Variants in TJP1 observed in about 807,000 individuals in gnomAD.
TJP1 encodes tight junction protein ZO-1.
TJP1 carries 43 observed loss-of-function variants against 194.2 expected under a neutral mutation model. The ratio of observed to expected loss-of-function variants is 0.22; its 90% confidence interval spans 0.17 to 0.29. TJP1 has a LOEUF of 0.29. Ranked by LOEUF, TJP1 falls within the 10% of genes least tolerant of loss-of-function variation. The pLI is 1.00. For missense variants in TJP1, 1,971 were observed against 2,185.7 expected, an observed-to-expected ratio of 0.90 and a Z score of 1.96; for synonymous variants, 801 against 779.0, an observed-to-expected ratio of 1.03 and a Z score of -0.47.
intron 2 of TJP1, among the ~76,000 whole-genome samples, chr15:29,901,642 T>A (rs949073912): frequency 1.3e-5 from 2 of 152,062 alleles, no homozygotes; most frequent in African/African-American, 4.8e-5. Flanking sequence ...GCCAACATGG[T>A]GAAACCCCAT....
intron 2 of TJP1, among the ~76,000 whole-genome samples, chr15:29,914,850 C>A (rs1206671193): frequency 6.9e-6 from 1 of 144,898 alleles, no homozygotes; most frequent in Non-Finnish European, 1.5e-5. Flanking sequence ...CCACACCCTG[C>A]AACACACACA....
chr15:29,938,433 G>T (rs17762297), intron 2 of TJP1, among the ~76,000 whole-genome samples: 3 of 151,922 alleles, frequency 2.0e-5, no homozygotes, highest in African/African-American at 7.3e-5. Flanking sequence ...TTATGAAATC[G>T]TCAAAAATCA....
intron 17 of TJP1, 104 bp from the exon 18 acceptor site, chr15:29,726,583 T>A: frequency 8.0e-7 from 1 of 1,251,164 alleles, no homozygotes; most frequent in African/African-American, 1.5e-5. Flanking sequence ...AAAGATGGTA[T>A]CTGAGGATGC....
intron 1 of TJP1, 38 bp from the exon 2 acceptor site, chr15:29,800,740 A>C (rs2048729733): frequency 6.2e-7 from 1 of 1,602,830 alleles, no homozygotes; most frequent in Non-Finnish European, 8.5e-7. Flanking sequence ...TTTACCTTTT[A>C]AGAAAATGTC....
chr15:29,719,849 T>C lies in TJP1; in HGVS notation c.2931A>G (p.Pro977=). 4.3e-6 allele frequency: 7 copies of C among 1,614,170 alleles called. No individual in the cohort carries two copies. Among genetic ancestry groups the C allele is most frequent in the Non-Finnish European group, 5.9e-6 (7 of 1,180,024 alleles). ...YSPQADSLRT[P]STEAAHIMLR... ...GCATTATGTGAGCTGCCTCAGTACT[T>C]GGTGTTCTTAAAGAATCAGCTTGTG... is the stretch of plus-strand genomic sequence containing the variant. Residue 977 remains proline (P), a synonymous_variant, in exon 20 of 28, where the codon CCA becomes CCG. Coordinates refer to ENST00000614355, the MANE Select transcript of TJP1 (RefSeq NM_001330239.4).
intron 2 of TJP1, among the ~76,000 whole-genome samples, chr15:29,914,948 G>C (rs1025821148): frequency 6.6e-6 from 1 of 152,128 alleles, no homozygotes; most frequent in Non-Finnish European, 1.5e-5. Flanking sequence ...TACAACCTCA[G>C]TCAGTTGCAC....
chr15:29,956,395 C>T (rs748381329), intron 1 of TJP1: 7 of 1,275,096 alleles, frequency 5.5e-6, no homozygotes, highest in Non-Finnish European at 7.1e-6. Flanking sequence ...CTTAAAAAGG[C>T]AGGTTTACAG....
chr15:29,778,543 G>A (rs1170920188), intron 2 of TJP1, among the ~76,000 whole-genome samples: 1 of 152,026 alleles, frequency 6.6e-6, no homozygotes, highest in Non-Finnish European at 1.5e-5. Flanking sequence ...TGTTGGCAGT[G>A]CTGTCCCTCT....
At chr15:29,878,556 T>C (rs1266876692) in intron 2 of TJP1, among the ~76,000 whole-genome samples, 3 of 151,980 alleles carry the variant, frequency 2.0e-5, no homozygotes. Flanking sequence ...TAGTTCAGTA[T>C]ATGACAACAA....
At chr15:29,860,205 C>T (rs1308668681) in intron 2 of TJP1, among the ~76,000 whole-genome samples, 1 of 152,182 alleles carries the variant, frequency 6.6e-6, no homozygotes, top group Non-Finnish European at 1.5e-5. Context: ...AACTCTGACT[C>T]AGGAGTAAGC....
intron 2 of TJP1, among the ~76,000 whole-genome samples, chr15:29,911,565 G>A (rs1030307761): frequency 2.6e-5 from 4 of 152,118 alleles, no homozygotes; most frequent in African/African-American, 9.7e-5. Context: ...TCTTCACATG[G>A]CCAGCAGGAG....
At chr15:29,927,296 G>A (rs1168097424) in intron 2 of TJP1, among the ~76,000 whole-genome samples, 2 of 151,642 alleles carry the variant, frequency 1.3e-5, no homozygotes, top group African/African-American at 4.9e-5. Context: ...CTCCAGCCTG[G>A]GTGACAAAGC....
chr15:29,893,469 A>G (rs2053379377), intron 2 of TJP1, among the ~76,000 whole-genome samples: 1 of 152,192 alleles, frequency 6.6e-6, no homozygotes, highest in Non-Finnish European at 1.5e-5. Context: ...TGCTTCAGAA[A>G]AATCTTTCAT....
intron 6 of TJP1, 121 bp downstream of exon 6, chr15:29,762,214 C>T: frequency 1.4e-6 from 1 of 727,290 alleles, no homozygotes; most frequent in Non-Finnish European, 2.2e-6. Context: ...ATCCCTCTCC[C>T]CCAAACACTG....
intron 8 of TJP1, chr15:29,760,232 G>T: frequency 2.8e-6 from 2 of 702,254 alleles, no homozygotes; most frequent in Non-Finnish European, 5.2e-6. Context: ...TGCAATTGCT[G>T]CGTGTATGTG....
At chr15:29,940,725 C>T (rs1324205707) in intron 2 of TJP1, among the ~76,000 whole-genome samples, 2 of 152,118 alleles carry the variant, frequency 1.3e-5, no homozygotes, top group African/African-American at 4.8e-5. Flanking sequence ...TGAAGCAGAT[C>T]CATATTAGAT....
chr15:29,876,534 AT>A (rs913953807), intron 2 of TJP1, among the ~76,000 whole-genome samples: 12 of 151,826 alleles, frequency 7.9e-5, no homozygotes, highest in South Asian at 6.3e-4. Flanking sequence ...AAAAAAAAAA[AT>A]ATGAGATTTT....
intron 6 of TJP1, 44 bp from the exon 7 acceptor site, chr15:29,761,813 T>C (rs2046025595): frequency 6.9e-7 from 1 of 1,453,748 alleles, no homozygotes; most frequent in South Asian, 1.5e-5. Context: ...AATAATAAAA[T>C]ACAAATGTTA....
chr15:29,821,364 G>A (rs577566123), intron 1 of TJP1: 1 of 152,328 alleles, frequency 6.6e-6, no homozygotes, highest in South Asian at 2.1e-4. Context: ...ACTTGTGAAA[G>A]TTTAATTCAA....
Sources: gnomAD v4.1 joint callset for allele counts (sites outside exome capture counted in the v4.1 genomes callset) on GRCh38, gnomAD v4.1.1 for gene constraint, MANE v1.5 for transcripts, NCBI Gene and HGNC (gene_info 2026-07-23, HGNC 2026-07-21) for gene names.